The following PPP2R5E variants were observed in gnomAD, a reference collection of about 807,000 sequenced individuals.
PPP2R5E encodes protein phosphatase 2 regulatory subunit B'epsilon, also known as serine/threonine-protein phosphatase 2A 56 kDa regulatory subunit epsilon isoform.
In PPP2R5E, 4 loss-of-function variants were observed where a neutral mutation model predicts 65.3. The ratio of observed to expected loss-of-function variants is 0.06; its 90% confidence interval spans 0.03 to 0.14. The LOEUF (loss-of-function observed/expected upper bound fraction) is 0.14, where lower values mean the gene tolerates loss of function less well. Among genes scored for constraint, PPP2R5E ranks in the 10% least tolerant of loss-of-function variants. The pLI, the probability that PPP2R5E is intolerant of heterozygous loss-of-function variation, is 1.00. For missense variants in PPP2R5E, 274 were observed against 556.1 expected (o/e 0.49, Z 5.10); for synonymous variants, 183 against 187.4 (o/e 0.98, Z 0.19).
At chr14:63,402,089 T>A (rs1885788228) in intron 5 of PPP2R5E, among the ~76,000 whole-genome samples, 1 of 152,172 alleles carries the variant, frequency 6.6e-6, no homozygotes. Flanking sequence ...AAAGCACTTA[T>A]TGGAAATAAT....
At chr14:63,494,532 G>A (rs890706542) in intron 2 of PPP2R5E, among the ~76,000 whole-genome samples, 10 of 149,700 alleles carry the variant, frequency 6.7e-5, no homozygotes, top group African/African-American at 2.5e-4. Flanking sequence ...ACCGCGCCCG[G>A]CTGTACAGCC....
intron 3 of PPP2R5E, among the ~76,000 whole-genome samples, chr14:63,446,129 T>A (rs114105885): frequency 0.017 from 2,515 of 152,344 alleles, 60 homozygotes; most frequent in African/African-American, 0.057. Flanking sequence ...AACTCCTCAT[T>A]TGTTGAAGTT....
chr14:63,460,637 T>C (rs1455779326), intron 2 of PPP2R5E, among the ~76,000 whole-genome samples: 3 of 152,024 alleles, frequency 2.0e-5, no homozygotes, highest in East Asian at 1.9e-4. Context: ...TAGATAATAA[T>C]AACATATTAA....
intron 8 of PPP2R5E, among the ~76,000 whole-genome samples, chr14:63,393,175 C>T (rs1885123206): frequency 6.6e-6 from 1 of 152,098 alleles, no homozygotes; most frequent in Non-Finnish European, 1.5e-5. Flanking sequence ...AACATGATTA[C>T]ATAGTCCAAA....
intron 2 of PPP2R5E, among the ~76,000 whole-genome samples, chr14:63,473,554 A>C (rs1167346011): frequency 6.6e-6 from 1 of 152,232 alleles, no homozygotes; most frequent in Non-Finnish European, 1.5e-5. Flanking sequence ...AAAGATATAC[A>C]AGAGTAAAAC....
At chr14:63,539,194 G>A (rs1893789177) in intron 2 of PPP2R5E, among the ~76,000 whole-genome samples, 1 of 152,050 alleles carries the variant, frequency 6.6e-6, no homozygotes, top group African/African-American at 2.4e-5. Context: ...ATCTGTAGTT[G>A]TCATTGTATA....
chr14:63,471,782 C>G (rs912837589), intron 2 of PPP2R5E, among the ~76,000 whole-genome samples: 2 of 152,198 alleles, frequency 1.3e-5, no homozygotes, highest in African/African-American at 4.8e-5. Context: ...CTAATGAGAG[C>G]TGGCTTATCA....
intron 2 of PPP2R5E, among the ~76,000 whole-genome samples, chr14:63,505,183 A>C (rs1046326633): frequency 2.6e-5 from 4 of 152,104 alleles, no homozygotes; most frequent in African/African-American, 9.7e-5. Context: ...AAAAATACAA[A>C]AATTAGCCGG....
chr14:63,390,594 T>C (rs1884963445), intron 10 of PPP2R5E, among the ~76,000 whole-genome samples: 1 of 152,204 alleles, frequency 6.6e-6, no homozygotes, highest in African/African-American at 2.4e-5. Flanking sequence ...TGGGTAGCAA[T>C]GCACAGTTCA....
intron 2 of PPP2R5E, among the ~76,000 whole-genome samples, chr14:63,477,751 T>A (rs891166478): frequency 6.6e-6 from 1 of 152,012 alleles, no homozygotes; most frequent in African/African-American, 2.4e-5. Context: ...CTGAAAAAGC[T>A]CTTAATAAAA....
chr14:63,408,841 T>G (rs929360653), intron 5 of PPP2R5E, among the ~76,000 whole-genome samples: 2 of 152,226 alleles, frequency 1.3e-5, no homozygotes, highest in Non-Finnish European at 2.9e-5. Context: ...TCGCCTGTAT[T>G]GCCAGCACTT....
intron 3 of PPP2R5E, among the ~76,000 whole-genome samples, chr14:63,434,243 AAAAC>A (rs761270921): frequency 1.5e-4 from 23 of 152,338 alleles, no homozygotes; most frequent in African/African-American, 2.2e-4. Context: ...TAACAGCAAA[AAAAC>A]AAACAAACAA....
rs10717359 is a variant in PPP2R5E, at chr14:63,462,073, A to ATTTTTT, written c.158-8194_158-8189dup. Among the ~76,000 whole-genome samples the ATTTTTT allele has an allele frequency of 1.7e-3, 247 of 144,702 alleles. 2 individuals are homozygous for ATTTTTT. Among genetic ancestry groups the ATTTTTT allele is most frequent in the Middle Eastern group, 0.014 (4 of 278 alleles). The allele number at this position is 144,702 out of a possible 152,430, so 94.9% of individuals were successfully genotyped here. On this transcript the variant is annotated intron_variant, in intron 2 of 13. Transcript: ENST00000337537. ...TAATGACAGTACCGATTTCAACTGTATTTTTTTTTTTTTTTTAGACGGAGT... is the reference window on the plus strand; with the variant it reads ...TAATGACAGTACCGATTTCAACTGTATTTTTTTTTTTTTTTTTTTTTTAGACGGAGT...
intron 2 of PPP2R5E, among the ~76,000 whole-genome samples, chr14:63,484,096 C>T (rs1246496819): frequency 6.6e-6 from 1 of 151,344 alleles, no homozygotes; most frequent in Non-Finnish European, 1.5e-5. Flanking sequence ...AAAAAAAACT[C>T]CCAAGGAGTT....
intron 2 of PPP2R5E, among the ~76,000 whole-genome samples, chr14:63,519,330 T>C (rs1414468034): frequency 1.3e-5 from 2 of 152,138 alleles, no homozygotes; most frequent in Non-Finnish European, 1.5e-5. Context: ...GGTGTATAAA[T>C]GTTCTTGGGA....
intron 5 of PPP2R5E, among the ~76,000 whole-genome samples, chr14:63,407,680 A>G (rs1277417792): frequency 6.6e-6 from 1 of 152,232 alleles, no homozygotes; most frequent in Non-Finnish European, 1.5e-5. Flanking sequence ...GCATATTGCT[A>G]TAGTCTGAAT....
chr14:63,414,054 C>A (rs913911115), intron 5 of PPP2R5E, among the ~76,000 whole-genome samples: 2 of 152,160 alleles, frequency 1.3e-5, no homozygotes, highest in South Asian at 2.1e-4. Context: ...TGTAGAGAGG[C>A]CTCCATGCCC....
intron 2 of PPP2R5E, among the ~76,000 whole-genome samples, chr14:63,469,618 C>T (rs573798427): frequency 3.3e-5 from 5 of 152,270 alleles, no homozygotes; most frequent in Non-Finnish European, 7.4e-5. Flanking sequence ...GGCGTGAACC[C>T]GGGAGGCGGA....
rs1318132089 is a variant in PPP2R5E at position 63,494,543 on chromosome 14, A to AT, written c.158-40659dup. On this transcript the variant is annotated intron_variant, in intron 2 of 13. Transcript: ENST00000337537. ...AGCCACCGCGCCCGGCTGTACAGCCATTTAAAAAAAAAAAAAAGACAACCA... is the reference window on the plus strand; with the variant it reads ...AGCCACCGCGCCCGGCTGTACAGCCATTTTAAAAAAAAAAAAAAGACAACCA... Among the ~76,000 whole-genome samples, 203 of 140,754 alleles carry AT rather than the reference A, an allele frequency of 1.4e-3. 1 individual carries two copies. The highest frequency in any genetic ancestry group is 5.5e-3 in the African/African-American group (191 of 34,438). 92.3% of individuals were successfully genotyped at this position (140,754 alleles called of 152,430 possible). A position where few individuals can be genotyped will look rare whatever the true frequency, so the allele number is the denominator to read the frequency against.
Sources: gnomAD v4.1 joint callset for allele counts (sites outside exome capture counted in the v4.1 genomes callset) on GRCh38, gnomAD v4.1.1 for gene constraint, MANE v1.5 for transcripts, NCBI Gene and HGNC (gene_info 2026-07-23, HGNC 2026-07-21) for gene names.